Variants in WWOX observed in about 807,000 individuals in gnomAD.
WWOX encodes the protein WW domain containing oxidoreductase.
A neutral mutation model predicts 46.2 loss-of-function variants in WWOX; 69 were observed. That is an observed-to-expected ratio of 1.49 (90% CI 1.23 to 1.82). The LOEUF is 1.82. Ranked by LOEUF, WWOX falls within the 40% of genes most tolerant of loss-of-function variation. The probability of loss-of-function intolerance (pLI) is 0.00; values close to 1 mark genes in which losing one functional copy is unlikely to be tolerated. For missense variants in WWOX, 919 were observed against 542.6 expected, an observed-to-expected ratio of 1.69 and a Z score of -6.89; for synonymous variants, 359 against 202.6, an observed-to-expected ratio of 1.77 and a Z score of -6.56.
intron 3 of WWOX, among the ~76,000 whole-genome samples, chr16:78,114,463 G>A (rs540244733): frequency 3.9e-5 from 6 of 152,276 alleles, no homozygotes; most frequent in Non-Finnish European, 7.4e-5. Context: ...ATGAGTGCTC[G>A]TAGGAGGTAT....
chr16:78,444,291 C>T (rs972202714), intron 8 of WWOX, among the ~76,000 whole-genome samples: 1 of 152,044 alleles, frequency 6.6e-6, no homozygotes, highest in Non-Finnish European at 1.5e-5. Flanking sequence ...ATCACTTATC[C>T]TCTCTGGTCC....
chr16:78,184,276 A>G (rs1000002644), intron 5 of WWOX, among the ~76,000 whole-genome samples: 68 of 151,678 alleles, frequency 4.5e-4, no homozygotes, highest in African/African-American at 1.5e-3. Flanking sequence ...AAGTGTTTTC[A>G]TATTTGAATT....
At chr16:78,963,674 G>A (rs186881778) in intron 8 of WWOX, among the ~76,000 whole-genome samples, 1 of 152,162 alleles carries the variant, frequency 6.6e-6, no homozygotes, top group Non-Finnish European at 1.5e-5. Flanking sequence ...CATGCATTGA[G>A]TATGGACTTT....
chr16:78,741,872 C>T (rs999834391), intron 8 of WWOX, among the ~76,000 whole-genome samples: 1 of 152,184 alleles, frequency 6.6e-6, no homozygotes, highest in African/African-American at 2.4e-5. Flanking sequence ...TACATACATA[C>T]AACATAAAGT....
At chr16:78,792,692 C>G (rs746592781) in intron 8 of WWOX, among the ~76,000 whole-genome samples, 5 of 152,132 alleles carry the variant, frequency 3.3e-5, no homozygotes, top group Admixed American at 6.5e-5. Context: ...ATAGAGCTTA[C>G]TATACAAGTC....
chr16:78,698,147 C>G (rs1473474050), intron 8 of WWOX, among the ~76,000 whole-genome samples: 1 of 152,182 alleles, frequency 6.6e-6, no homozygotes, highest in Non-Finnish European at 1.5e-5. Flanking sequence ...CTATGAAATT[C>G]TTTGCCCTAG....
intron 5 of WWOX, among the ~76,000 whole-genome samples, chr16:78,312,681 A>G (rs370893868): frequency 1.3e-5 from 2 of 151,190 alleles, no homozygotes; most frequent in East Asian, 1.9e-4. Context: ...GGCTGGTTGT[A>G]GGCCTAATTC....
chr16:78,960,064 A>G (rs1229766206), intron 8 of WWOX, among the ~76,000 whole-genome samples: 1 of 152,200 alleles, frequency 6.6e-6, no homozygotes, highest in African/African-American at 2.4e-5. Flanking sequence ...GGTGGGACAG[A>G]CTAAATGGCT....
At chr16:78,839,281 C>A (rs1267983197) in intron 8 of WWOX, among the ~76,000 whole-genome samples, 1 of 152,128 alleles carries the variant, frequency 6.6e-6, no homozygotes, top group Admixed American at 6.5e-5. Flanking sequence ...TCTCTCTCTT[C>A]TGTTCCTAGA....
chr16:78,349,889 C>G (rs1237568819), intron 5 of WWOX, among the ~76,000 whole-genome samples: 1 of 120,754 alleles, frequency 8.3e-6, no homozygotes, highest in East Asian at 1.9e-4. Flanking sequence ...GTCTCATTCC[C>G]CAGAAATAAT....
intron 8 of WWOX, among the ~76,000 whole-genome samples, chr16:79,128,238 C>A (rs2049800585): frequency 6.6e-6 from 1 of 152,178 alleles, no homozygotes; most frequent in Non-Finnish European, 1.5e-5. Context: ...ATGTCACTTA[C>A]TCCTGATCCC....
chr16:78,269,507 G>A (rs185251882), intron 5 of WWOX, among the ~76,000 whole-genome samples: 31 of 152,284 alleles, frequency 2.0e-4, no homozygotes, highest in Admixed American at 1.2e-3. Context: ...TATGACACAG[G>A]GAGCGAAATC....
intron 8 of WWOX, among the ~76,000 whole-genome samples, chr16:79,189,174 G>A (rs913024940): frequency 3.9e-5 from 6 of 152,088 alleles, no homozygotes; most frequent in South Asian, 2.1e-4. Context: ...ATGGTCTGTC[G>A]TCTTCCATAA....
chr16:78,390,856 T>A (rs1377118762), intron 6 of WWOX, among the ~76,000 whole-genome samples: 1 of 152,182 alleles, frequency 6.6e-6, no homozygotes, highest in Admixed American at 6.5e-5. Context: ...GCTGTTGCAT[T>A]GAGGAGAGGA....
At chr16:78,590,546 A>T (rs139147529) in intron 8 of WWOX, among the ~76,000 whole-genome samples, 1 of 152,320 alleles carries the variant, frequency 6.6e-6, no homozygotes, top group East Asian at 1.9e-4. Context: ...GAAAACACAA[A>T]GTGTATTTCT....
intron 8 of WWOX, among the ~76,000 whole-genome samples, chr16:79,101,937 C>G (rs1397496171): frequency 6.7e-6 from 1 of 150,084 alleles, no homozygotes; most frequent in Non-Finnish European, 1.5e-5. Flanking sequence ...GAGATCCAAG[C>G]TAAACAATTC....
At chr16:78,990,738 GGGAA>G (rs2046871542) in intron 8 of WWOX, among the ~76,000 whole-genome samples, 1 of 152,202 alleles carries the variant, frequency 6.6e-6, no homozygotes, top group African/African-American at 2.4e-5. Flanking sequence ...GAGGGAGACA[GGGAA>G]GGAAGGAAGT....
chr16:78,322,447 C>T (rs2080504915), intron 5 of WWOX, among the ~76,000 whole-genome samples: 1 of 152,198 alleles, frequency 6.6e-6, no homozygotes, highest in African/African-American at 2.4e-5. Flanking sequence ...CAAAGGTTTT[C>T]ACGCTTGTGC....
intron 8 of WWOX, among the ~76,000 whole-genome samples, chr16:78,682,350 G>A (rs867374532): frequency 1.3e-5 from 2 of 152,140 alleles, no homozygotes; most frequent in African/African-American, 2.4e-5. Flanking sequence ...ACACCTTTCA[G>A]CTCAGTTTTT....
Sources: gnomAD v4.1 joint callset for allele counts (sites outside exome capture counted in the v4.1 genomes callset) on GRCh38, gnomAD v4.1.1 for gene constraint, MANE v1.5 for transcripts, NCBI Gene and HGNC (gene_info 2026-07-23, HGNC 2026-07-21) for gene names.